Variants in CECR2 observed in about 807,000 individuals in gnomAD.
CECR2 encodes CECR2 histone acetyl-lysine reader.
In CECR2, 30 loss-of-function variants were observed where a neutral mutation model predicts 154.5. The ratio of observed to expected loss-of-function variants is 0.19; its 90% CI spans 0.15 to 0.26. The LOEUF is 0.26. CECR2 is among the 10% of genes least tolerant of loss of function. The probability of loss-of-function intolerance (pLI) is 1.00; values close to 1 mark genes in which losing one functional copy is unlikely to be tolerated. For missense variants in CECR2, 1,743 were observed against 1,829.3 expected (o/e 0.95, Z 0.86); for synonymous variants, 725 against 683.7 (o/e 1.06, Z -0.94).
chr22:17,361,230 A>G (rs1180767143), intron 1 of CECR2, among the ~76,000 whole-genome samples: 2 of 152,136 alleles, frequency 1.3e-5, no homozygotes, highest in Admixed American at 6.6e-5. Flanking sequence ...GCTCACGTCT[A>G]TAATCCCAGC....
intron 1 of CECR2, among the ~76,000 whole-genome samples, chr22:17,451,350 T>C (rs2054766868): frequency 6.6e-6 from 1 of 152,192 alleles, no homozygotes; most frequent in South Asian, 2.1e-4. Context: ...GATTAGGGAT[T>C]GGTTGTACAT....
intron 1 of CECR2, among the ~76,000 whole-genome samples, chr22:17,443,672 T>C (rs1010070644): frequency 2.6e-5 from 4 of 152,172 alleles, no homozygotes; most frequent in African/African-American, 9.7e-5. Context: ...ACATCGCCTG[T>C]TCTGTGCACC....
At chr22:17,525,903 C>T (rs1326655641) in intron 9 of CECR2, among the ~76,000 whole-genome samples, 3 of 151,922 alleles carry the variant, frequency 2.0e-5, no homozygotes, top group Non-Finnish European at 2.9e-5. Flanking sequence ...TATTGTAGTC[C>T]CATCTACAGA....
At chr22:17,382,978 A>C (rs1022977917) in intron 1 of CECR2, among the ~76,000 whole-genome samples, 1 of 152,150 alleles carries the variant, frequency 6.6e-6, no homozygotes, top group Non-Finnish European at 1.5e-5. Context: ...CTGTAATCCC[A>C]CCACTTTGGG....
intron 1 of CECR2, among the ~76,000 whole-genome samples, chr22:17,397,984 CTG>C (rs1389967059): frequency 3.3e-5 from 5 of 152,252 alleles, no homozygotes; most frequent in Admixed American, 2.6e-4. Context: ...TCATGCAACA[CTG>C]TGTCTGTCGG....
intron 1 of CECR2, among the ~76,000 whole-genome samples, chr22:17,445,365 G>C (rs1477186163): frequency 6.6e-6 from 1 of 152,022 alleles, no homozygotes; most frequent in Non-Finnish European, 1.5e-5. Context: ...TCATGAATTG[G>C]ATGCCATAAC....
At chr22:17,487,234 C>T in intron 2 of CECR2, among the ~76,000 whole-genome samples, 1 of 152,082 alleles carries the variant, frequency 6.6e-6, no homozygotes, top group East Asian at 1.9e-4. Flanking sequence ...AATAAAAATA[C>T]TTTAGGAATT....
intron 1 of CECR2, among the ~76,000 whole-genome samples, chr22:17,432,336 T>C (rs1036942067): frequency 5.9e-5 from 9 of 152,274 alleles, no homozygotes; most frequent in African/African-American, 2.2e-4. Flanking sequence ...ACCATTCCAC[T>C]GTGTGGGTAA....
chr22:17,401,178 A>AG (rs2053886087), intron 1 of CECR2, among the ~76,000 whole-genome samples: 1 of 151,932 alleles, frequency 6.6e-6, no homozygotes, highest in Non-Finnish European at 1.5e-5. Flanking sequence ...AGAGGTGAGG[A>AG]GGGACGGGTG....
chr22:17,368,746 C>T (rs1195739680), upstream of CECR2, among the ~76,000 whole-genome samples: 1 of 152,088 alleles, frequency 6.6e-6, no homozygotes, highest in Non-Finnish European at 1.5e-5. Flanking sequence ...GTTCCGAGCC[C>T]GTCTTCTCCG....
intron 1 of CECR2, among the ~76,000 whole-genome samples, chr22:17,404,497 C>T (rs2053950890): frequency 7.3e-6 from 1 of 137,748 alleles, no homozygotes; most frequent in Non-Finnish European, 1.5e-5. Flanking sequence ...CCTCAGCCTC[C>T]CCAGTAGCTG....
intron 1 of CECR2, among the ~76,000 whole-genome samples, chr22:17,378,235 G>C (rs1000232303): frequency 6.6e-6 from 1 of 150,782 alleles, no homozygotes; most frequent in Non-Finnish European, 1.5e-5. Context: ...CGCCCGCCTT[G>C]GCCTCCCAAA....
intron 13 of CECR2, 175 bp downstream of exon 13, chr22:17,539,294 T>G: frequency 2.9e-6 from 2 of 689,934 alleles, no homozygotes; most frequent in Non-Finnish European, 4.7e-6. Flanking sequence ...AGGGATTCTC[T>G]CCTGCCCCAC....
chr22:17,475,727 T>G (rs965182716), intron 1 of CECR2, among the ~76,000 whole-genome samples: 2 of 152,214 alleles, frequency 1.3e-5, no homozygotes, highest in African/African-American at 4.8e-5. Flanking sequence ...GCTTCTGTTG[T>G]AAGTCACTGG....
chr22:17,495,139 C>T (rs952679773), intron 2 of CECR2, among the ~76,000 whole-genome samples: 2 of 152,072 alleles, frequency 1.3e-5, no homozygotes, highest in African/African-American at 4.8e-5. Flanking sequence ...TTCTTTAGGC[C>T]TCTTTGCTTA....
intron 1 of CECR2, among the ~76,000 whole-genome samples, chr22:17,465,063 C>G (rs1946711605): frequency 6.8e-6 from 1 of 147,544 alleles, no homozygotes; most frequent in African/African-American, 2.5e-5. Flanking sequence ...GTGGCGCGAT[C>G]TCAGCTCACT....
intron 1 of CECR2, among the ~76,000 whole-genome samples, chr22:17,472,943 T>C (rs2146777354): frequency 6.6e-6 from 1 of 152,258 alleles, no homozygotes; most frequent in South Asian, 2.1e-4. Flanking sequence ...AAGAGGTATG[T>C]AAAGGCCCTG....
At chr22:17,433,822 T>A (rs2146644324) in intron 1 of CECR2, among the ~76,000 whole-genome samples, 1 of 152,180 alleles carries the variant, frequency 6.6e-6, no homozygotes, top group Admixed American at 6.5e-5. Context: ...TTGCTGAAAA[T>A]TGGTTCTTTT....
In CECR2 at chr22:17,542,351, C is replaced by T; in HGVS notation, c.2208C>T (p.Pro736=). The change falls in exon 16 of 19, where the codon CCC becomes CCT. Residue 736 remains proline, a synonymous_variant. Transcript: ENST00000262608. ...AGTTCCAGCCAGGATTCATTCCTCC[C>T]CGGCATGGGGGGGCTCCAGCCCGGC... is the stretch of plus-strand genomic sequence containing the variant. The part of the protein sequence containing the change: ...PAQFQPGFIP[P]RHGGAPARPP... 6.2e-7 allele frequency: 1 copy of T among 1,613,772 alleles called. No homozygotes were observed.
Sources: allele counts gnomAD v4.1 joint callset (sites outside exome capture counted in the v4.1 genomes callset), GRCh38; gene constraint gnomAD v4.1.1; transcripts MANE v1.5; gene names NCBI Gene and HGNC (gene_info 2026-07-23, HGNC 2026-07-21).